PRKAR2A: variants seen among roughly 807,000 people sequenced by gnomAD.
The protein encoded by PRKAR2A is protein kinase cAMP-dependent type II regulatory subunit alpha.
Under a neutral mutation model 51.9 loss-of-function variants are expected in PRKAR2A, and 29 were observed. The observed-to-expected ratio is 0.56, with a 90% CI of 0.42 to 0.76. The LOEUF (loss-of-function observed/expected upper bound fraction) is 0.76. PRKAR2A is among the 30% of genes least tolerant of loss of function. The probability of loss-of-function intolerance (pLI) is 0.00; values close to 1 mark genes in which losing one functional copy is unlikely to be tolerated. For synonymous variants in PRKAR2A, 178 were observed against 186.2 expected, an observed-to-expected ratio of 0.96 and a Z score of 0.36; for missense variants, 445 against 512.1, an observed-to-expected ratio of 0.87 and a Z score of 1.26.
intron 2 of PRKAR2A, among the ~76,000 whole-genome samples, chr3:48,795,579 C>T (rs759732472): frequency 6.6e-6 from 1 of 152,188 alleles, no homozygotes; most frequent in Non-Finnish European, 1.5e-5. Flanking sequence ...TTCCTTCGCT[C>T]AGGTTGAGGT....
chr3:48,814,867 A>G (rs2082847043), intron 1 of PRKAR2A, among the ~76,000 whole-genome samples: 1 of 152,138 alleles, frequency 6.6e-6, no homozygotes, highest in Non-Finnish European at 1.5e-5. Flanking sequence ...ATTTTTCAGG[A>G]TATAAAGAAA....
At chr3:48,820,018 CA>C (rs2082937162) in intron 1 of PRKAR2A, among the ~76,000 whole-genome samples, 1 of 152,200 alleles carries the variant, frequency 6.6e-6, no homozygotes, top group East Asian at 1.9e-4. Context: ...CCAAGCCAGG[CA>C]AATCAGTGTT....
Position 48,782,983 on chromosome 3 carries a change from T to C in PRKAR2A, c.542+3A>G. 6.3e-7 allele frequency: 1 copy of C among 1,587,582 alleles called. No individual in the cohort carries two copies. Among genetic ancestry groups the C allele is most frequent in the Non-Finnish European group, 8.7e-7 (1 of 1,155,988 alleles). ...CACACAATTTCAAAGCTCCATCTCC[T>C]ACCGTTCTATGACATAAAAGTTGTC... On this transcript the variant is annotated splice_donor_region_variant and intron_variant, in intron 5 of 10. Transcript: ENST00000265563.
intron 1 of PRKAR2A, among the ~76,000 whole-genome samples, chr3:48,846,472 C>A (rs1346045207): frequency 1.3e-5 from 2 of 152,164 alleles, no homozygotes; most frequent in Non-Finnish European, 2.9e-5. Context: ...CCGCCTCGGC[C>A]TCCCAAAGTG....
intron 5 of PRKAR2A, among the ~76,000 whole-genome samples, chr3:48,776,702 G>A (rs1037972439): frequency 1.3e-5 from 2 of 152,052 alleles, no homozygotes; most frequent in Non-Finnish European, 1.5e-5. Context: ...TTAGCTGGGT[G>A]TGGTGGCATG....
At chr3:48,746,160 T>C (rs1386656331), downstream of PRKAR2A, among the ~76,000 whole-genome samples, 2 of 151,932 alleles carry the variant, frequency 1.3e-5, no homozygotes, top group Admixed American at 6.6e-5. Flanking sequence ...GCTAGCCAAT[T>C]CACCCTGCAG....
chr3:48,841,032 C>T (rs987054608), intron 1 of PRKAR2A, among the ~76,000 whole-genome samples: 9 of 151,012 alleles, frequency 6.0e-5, no homozygotes, highest in Admixed American at 4.0e-4. Context: ...CAGGCGCACA[C>T]CACCACACCC....
chr3:48,796,741 C>T (rs1245685638), intron 2 of PRKAR2A, among the ~76,000 whole-genome samples: 1 of 149,148 alleles, frequency 6.7e-6, no homozygotes, highest in African/African-American at 2.5e-5. Context: ...CTGCCCATCT[C>T]GGCCTCCCAA....
chr3:48,794,185 C>A, intron 2 of PRKAR2A, 136 bp from the exon 3 acceptor site: 1 of 663,780 alleles, frequency 1.5e-6, no homozygotes, highest in Non-Finnish European at 2.4e-6. Context: ...GAGTTTTGCT[C>A]TTGTTGCCCA....
chr3:48,829,708 T>TGTGTG (rs2083145763), intron 1 of PRKAR2A, among the ~76,000 whole-genome samples: 11 of 87,820 alleles, frequency 1.3e-4, no homozygotes, highest in Middle Eastern at 5.5e-3. Flanking sequence ...GTATATATTC[T>TGTGTG]TATACGTATA....
intron 1 of PRKAR2A, among the ~76,000 whole-genome samples, chr3:48,834,044 A>G (rs959260342): frequency 6.6e-5 from 10 of 151,808 alleles, no homozygotes; most frequent in African/African-American, 2.4e-4. Context: ...TAAAAAAAAA[A>G]AAAAAAGAAA....
chr3:48,811,944 C>T lies in PRKAR2A; in HGVS notation c.263-4260G>A, dbSNP rs997418763. 4.6e-5 allele frequency among the ~76,000 whole-genome samples: 7 copies of T among 151,778 alleles called. 1 individual carries two copies. The highest frequency in any genetic ancestry group is 3.9e-4 in the Admixed American group (6 of 15,214). On this transcript the variant is annotated intron_variant, in intron 1 of 10. Transcript: ENST00000265563. ...ACCAGAAAAACACAAAGTAGATGAG[C>T]GGTAGGCTGGGGCTGCAGGGGGAAT...
chr3:48,831,982 T>C (rs774293936), intron 1 of PRKAR2A, among the ~76,000 whole-genome samples: 7 of 152,094 alleles, frequency 4.6e-5, no homozygotes, highest in Non-Finnish European at 1.0e-4. Flanking sequence ...TATCTTGTGG[T>C]CATCACATCT....
At chr3:48,810,057 T>TC (rs980808605) in intron 1 of PRKAR2A, among the ~76,000 whole-genome samples, 1 of 152,170 alleles carries the variant, frequency 6.6e-6, no homozygotes, top group African/African-American at 2.4e-5. Flanking sequence ...AAACCTTTTT[T>TC]CCCATTGCCA....
intron 1 of PRKAR2A, among the ~76,000 whole-genome samples, chr3:48,813,594 T>C (rs2082817613): frequency 6.6e-6 from 1 of 152,092 alleles, no homozygotes; most frequent in Admixed American, 6.6e-5. Context: ...CTTGGGATGC[T>C]GAGGCAGAAG....
At chr3:48,785,754 G>A (rs192630977) in intron 4 of PRKAR2A, among the ~76,000 whole-genome samples, 26 of 152,232 alleles carry the variant, frequency 1.7e-4, no homozygotes, top group Admixed American at 1.5e-3. Flanking sequence ...GAAGGGTCAT[G>A]ATGTCATAAA....
At chr3:48,794,502 C>T (rs1255213915) in intron 2 of PRKAR2A, among the ~76,000 whole-genome samples, 2 of 151,930 alleles carry the variant, frequency 1.3e-5, no homozygotes, top group African/African-American at 2.4e-5. Context: ...CGAGACCATC[C>T]TGGTCAACAT....
intron 2 of PRKAR2A, among the ~76,000 whole-genome samples, chr3:48,805,628 T>C (rs2082667080): frequency 6.6e-6 from 1 of 152,174 alleles, no homozygotes; most frequent in African/African-American, 2.4e-5. Flanking sequence ...TCACTCAAAG[T>C]GTTATTTTGA....
intron 9 of PRKAR2A, among the ~76,000 whole-genome samples, chr3:48,753,034 G>A (rs957494037): frequency 2.2e-5 from 3 of 135,698 alleles, no homozygotes; most frequent in African/African-American, 8.3e-5. Flanking sequence ...CCAGGTTCAT[G>A]CCATTCTCCT....
Sources: gnomAD v4.1 joint callset for allele counts (sites outside exome capture counted in the v4.1 genomes callset) on GRCh38, gnomAD v4.1.1 for gene constraint, MANE v1.5 for transcripts, NCBI Gene and HGNC (gene_info 2026-07-23, HGNC 2026-07-21) for gene names.